TBC1D5: variants seen among roughly 807,000 people sequenced by gnomAD.
TBC1D5 encodes TBC1 domain family, member 5.
A neutral mutation model predicts 100.3 loss-of-function variants in TBC1D5; 75 were observed. That is an observed-to-expected ratio of 0.75 (90% CI 0.62 to 0.91). The LOEUF is 0.91. TBC1D5 is among the 40% of genes least tolerant of loss of function. The pLI is 0.00. For synonymous variants in TBC1D5, 323 were observed against 325.6 expected (o/e 0.99, Z 0.09); for missense variants, 910 against 942.4 (o/e 0.97, Z 0.45).
At chr3:17,416,077 A>G (rs1237431224) in intron 4 of TBC1D5, among the ~76,000 whole-genome samples, 1 of 152,242 alleles carries the variant, frequency 6.6e-6, no homozygotes, top group Non-Finnish European at 1.5e-5. Context: ...CCTATGACTT[A>G]AAGCATGTTT....
At chr3:17,377,192 C>A (rs2092742640) in intron 9 of TBC1D5, among the ~76,000 whole-genome samples, 1 of 151,856 alleles carries the variant, frequency 6.6e-6, no homozygotes, top group Non-Finnish European at 1.5e-5. Context: ...CAGAAAACTA[C>A]CGTAATTTTT....
intron 1 of TBC1D5, among the ~76,000 whole-genome samples, chr3:17,639,512 T>C (rs981729972): frequency 6.6e-6 from 1 of 151,560 alleles, no homozygotes; most frequent in Non-Finnish European, 1.5e-5. Flanking sequence ...AGATGAATCA[T>C]ACCTTTTGCA....
chr3:17,553,264 T>C (rs2096488565), intron 2 of TBC1D5, among the ~76,000 whole-genome samples: 1 of 152,150 alleles, frequency 6.6e-6, no homozygotes, highest in African/African-American at 2.4e-5. Context: ...CTGCAATTCT[T>C]ATCTTTTAAA....
At chr3:17,488,909 G>A (rs1045696525) in intron 3 of TBC1D5, among the ~76,000 whole-genome samples, 2 of 149,798 alleles carry the variant, frequency 1.3e-5, no homozygotes, top group Admixed American at 6.7e-5. Context: ...AAACTCTATC[G>A]TGAACTGCAC....
intron 1 of TBC1D5, among the ~76,000 whole-genome samples, chr3:17,695,035 C>A (rs932661706): frequency 6.6e-6 from 1 of 152,130 alleles, no homozygotes; most frequent in Non-Finnish European, 1.5e-5. Context: ...CCTTTACACA[C>A]AAGCAAATGC....
At chr3:17,205,012 A>G (rs1358131226) in intron 18 of TBC1D5, among the ~76,000 whole-genome samples, 1 of 152,246 alleles carries the variant, frequency 6.6e-6, no homozygotes, top group East Asian at 1.9e-4. Flanking sequence ...AACAAGGTTT[A>G]CAAAACATCG....
intron 1 of TBC1D5, among the ~76,000 whole-genome samples, chr3:17,697,961 T>C (rs1305963601): frequency 6.7e-6 from 1 of 149,076 alleles, no homozygotes; most frequent in Non-Finnish European, 1.5e-5. Context: ...ACAATGGCCA[T>C]ACTGCCCAAG....
intron 13 of TBC1D5, among the ~76,000 whole-genome samples, chr3:17,313,310 T>C (rs2084268001): frequency 1.3e-5 from 2 of 152,130 alleles, no homozygotes; most frequent in South Asian, 2.1e-4. Flanking sequence ...ATGAATTAAA[T>C]ATACAAAGAG....
chr3:17,666,119 T>C (rs1175851035), intron 1 of TBC1D5, among the ~76,000 whole-genome samples: 3 of 152,350 alleles, frequency 2.0e-5, no homozygotes, highest in African/African-American at 7.2e-5. Context: ...TAAATATTTT[T>C]AGGGAAGGCA....
rs577961590 is a variant in TBC1D5 at position 17,547,487 on chromosome 3, T to C, written c.-35-38882A>G. On this transcript the variant is annotated intron_variant, in intron 2 of 21. Coordinates refer to ENST00000253692, the Ensembl canonical transcript of TBC1D5. ...GCTTTTACTTCTCTTAAGAAACATT[T>C]AAAATTTTACCAGCAACATCAGGAC... Among the ~76,000 whole-genome samples the C allele has an allele frequency of 1.3e-5, 2 of 152,316 alleles. 1 individual carries two copies. The highest frequency in any genetic ancestry group is 4.2e-4 in the South Asian group (2 of 4,810).
chr3:17,207,977 G>C (rs1036228603), intron 18 of TBC1D5, among the ~76,000 whole-genome samples: 2 of 152,200 alleles, frequency 1.3e-5, no homozygotes, highest in African/African-American at 4.8e-5. Context: ...CCCAAACGAA[G>C]AGATGTCTTT....
chr3:17,169,787 C>G (rs1025234769), intron 19 of TBC1D5, among the ~76,000 whole-genome samples: 3 of 152,226 alleles, frequency 2.0e-5, no homozygotes, highest in Non-Finnish European at 4.4e-5. Context: ...TTTAGAGCAG[C>G]AGTCCCCAAC....
chr3:17,592,688 C>A (rs2153568651), intron 2 of TBC1D5, among the ~76,000 whole-genome samples: 1 of 152,312 alleles, frequency 6.6e-6, no homozygotes, highest in South Asian at 2.1e-4. Flanking sequence ...AGCTGCTCTG[C>A]CACTTGGGCC....
intron 19 of TBC1D5, among the ~76,000 whole-genome samples, chr3:17,180,895 T>C (rs2068363660): frequency 6.7e-6 from 1 of 149,662 alleles, no homozygotes; most frequent in Admixed American, 6.7e-5. Flanking sequence ...AAAAGCGCAT[T>C]TGTACCCCTT....
chr3:17,206,193 T>C (rs2072159806), intron 18 of TBC1D5, among the ~76,000 whole-genome samples: 1 of 152,174 alleles, frequency 6.6e-6, no homozygotes, highest in Non-Finnish European at 1.5e-5. Context: ...CAGATCTATC[T>C]CTCACCAACA....
intron 16 of TBC1D5, among the ~76,000 whole-genome samples, chr3:17,243,250 G>C (rs2076454176): frequency 6.6e-6 from 1 of 152,038 alleles, no homozygotes; most frequent in Non-Finnish European, 1.5e-5. Flanking sequence ...TGATATTTTA[G>C]GTACTTTTTA....
chr3:17,532,185 A>C lies in TBC1D5; in HGVS notation c.-35-23580T>G, dbSNP rs946372176. ...CAAAAAGTGGGCAAAGGATATGAAC[A>C]GACACTTCTCAAAAGAAGACATTTA... On this transcript the variant is annotated intron_variant, in intron 2 of 21. Transcript: ENST00000253692. Among the ~76,000 whole-genome samples the C allele has an allele frequency of 2.1e-3, 313 of 152,366 alleles. 4 individuals are homozygous for C. Among genetic ancestry groups the C allele is most frequent in the Admixed American group, 5.6e-3 (86 of 15,310 alleles).
At chr3:17,667,225 T>TA (rs2067363036) in intron 1 of TBC1D5, among the ~76,000 whole-genome samples, 2 of 152,230 alleles carry the variant, frequency 1.3e-5, no homozygotes, top group Admixed American at 6.5e-5. Flanking sequence ...TATAAAGCAC[T>TA]AAGCAGCAAA....
chr3:17,311,530 T>C (rs1223672810), intron 13 of TBC1D5, among the ~76,000 whole-genome samples: 1 of 152,050 alleles, frequency 6.6e-6, no homozygotes, highest in African/African-American at 2.4e-5. Flanking sequence ...CTGTTGGTGT[T>C]ATTGCTTGGT....
Sources: allele counts gnomAD v4.1 joint callset (sites outside exome capture counted in the v4.1 genomes callset), GRCh38; gene constraint gnomAD v4.1.1; transcripts MANE v1.5; gene names NCBI Gene and HGNC (gene_info 2026-07-23, HGNC 2026-07-21).